The following PUDP variants were observed in gnomAD, a reference collection of about 807,000 sequenced individuals.
PUDP encodes the protein pseudouridine 5'-phosphatase.
In PUDP, 8 loss-of-function variants were observed where a neutral mutation model predicts 9.4. That is an observed-to-expected ratio of 0.85 (90% confidence interval 0.50 to 1.53). PUDP has a LOEUF of 1.53. Ranked by LOEUF, PUDP falls within the 40% of genes most tolerant of loss-of-function variation. The probability of loss-of-function intolerance (pLI) is 0.00; values close to 1 mark genes in which losing one functional copy is unlikely to be tolerated. For missense variants in PUDP, 188 were observed against 189.7 expected (o/e 0.99, Z 0.05); for synonymous variants, 99 against 80.7 (o/e 1.23, Z -1.22).
intron 3 of PUDP, among the ~76,000 whole-genome samples, chrX:6,917,584 C>T (rs1435916462): frequency 6.3e-5 from 7 of 111,756 alleles, no homozygotes; most frequent in African/African-American, 2.3e-4. Context: ...CATGATGAAA[C>T]AAGCTTTGTG....
intron 3 of PUDP, among the ~76,000 whole-genome samples, chrX:6,777,575 G>A (rs1457351728): frequency 2.7e-5 from 3 of 112,226 alleles, no homozygotes; most frequent in African/African-American, 6.5e-5. Context: ...TTCACCTTAG[G>A]CAGAATTTGT....
intron 3 of PUDP, among the ~76,000 whole-genome samples, chrX:6,931,125 G>A (rs1302744365): frequency 3.6e-5 from 4 of 111,224 alleles, no homozygotes; most frequent in African/African-American, 1.3e-4. Context: ...AAAGGTTCTG[G>A]TTCCATTCCT....
chrX:6,782,948 C>A (rs1023789142), intron 3 of PUDP, among the ~76,000 whole-genome samples: 5 of 111,379 alleles, frequency 4.5e-5, no homozygotes, highest in African/African-American at 1.6e-4. Flanking sequence ...GGCCTAAGGT[C>A]TTGCACATAT....
chrX:6,828,187 G>A lies in PUDP; in HGVS notation c.*248-121721C>T, dbSNP rs5989582. Among the ~76,000 whole-genome samples, 20 of 109,887 alleles carry A rather than the reference G, an allele frequency of 1.8e-4. 1 individual carries two copies. The highest frequency in any genetic ancestry group is 7.6e-5 in the Non-Finnish European group (4 of 52,652). ...TGTGATGAGTCCTTTTTGCAACACC[G>A]TTTCATAGCCAACACCCAGTTTACA... On this transcript the variant is annotated intron_variant and NMD_transcript_variant, in intron 3 of 3. Transcript: ENST00000655425.
At chrX:6,775,504 T>TATACACAC (rs777420687) in intron 3 of PUDP, among the ~76,000 whole-genome samples, 7 of 100,804 alleles carry the variant, frequency 6.9e-5, no homozygotes, top group Non-Finnish European at 1.3e-4. Context: ...TACACACACA[T>TATACACAC]ACACACACAC....
intron 3 of PUDP, among the ~76,000 whole-genome samples, chrX:6,756,849 TAAG>T (rs199506273): frequency 0.018 from 2,014 of 111,917 alleles, 43 homozygotes; most frequent in African/African-American, 0.06. Flanking sequence ...AGAGAACAAA[TAAG>T]ATCTTAACAG....
At chrX:6,949,621 G>A (rs779187632) in intron 3 of PUDP, among the ~76,000 whole-genome samples, 1 of 112,305 alleles carries the variant, frequency 8.9e-6, no homozygotes, top group East Asian at 2.8e-4. Context: ...TTCTTTTTCT[G>A]TTTATAAATA....
chrX:6,723,172 G>C (rs1924692970), upstream of PUDP, among the ~76,000 whole-genome samples: 1 of 109,092 alleles, frequency 9.2e-6, no homozygotes. Flanking sequence ...TAAATGAATA[G>C]ATGTACATAT....
intron 3 of PUDP, among the ~76,000 whole-genome samples, chrX:6,868,467 C>T (rs534678245): frequency 2.2e-3 from 252 of 112,005 alleles, no homozygotes; most frequent in African/African-American, 7.7e-3. Flanking sequence ...GCTGGTTCTC[C>T]TATAATCTCA....
intron 3 of PUDP, among the ~76,000 whole-genome samples, chrX:6,868,131 A>G (rs1305068626): frequency 2.7e-5 from 3 of 112,132 alleles, no homozygotes; most frequent in African/African-American, 9.7e-5. Context: ...TGTTGGTGGT[A>G]GAGGTGACAG....
chrX:6,848,811 G>C (rs775604321), intron 3 of PUDP, among the ~76,000 whole-genome samples: 1 of 111,985 alleles, frequency 8.9e-6, no homozygotes, highest in Non-Finnish European at 1.9e-5. Context: ...TGATATGCCA[G>C]CTTCCTGAGG....
At chrX:6,723,763 T>C (rs759512291), upstream of PUDP, among the ~76,000 whole-genome samples, 48 of 111,707 alleles carry the variant, frequency 4.3e-4, no homozygotes, top group Non-Finnish European at 7.0e-4. Flanking sequence ...TACTTGACAC[T>C]ACTTGAGGAC....
chrX:7,120,944 A>T (rs1321091547), intron 1 of PUDP, among the ~76,000 whole-genome samples: 3 of 112,051 alleles, frequency 2.7e-5, no homozygotes, highest in Non-Finnish European at 5.6e-5. Context: ...TTAATTTCAG[A>T]AGCAGACCAG....
intron 1 of PUDP, among the ~76,000 whole-genome samples, chrX:7,144,346 G>C (rs965047143): frequency 8.9e-6 from 1 of 112,187 alleles, no homozygotes; most frequent in Non-Finnish European, 1.9e-5. Context: ...CTAATATTAC[G>C]TAAGAAAAAT....
chrX:6,920,131 C>T (rs748438229), intron 3 of PUDP, among the ~76,000 whole-genome samples: 1 of 109,461 alleles, frequency 9.1e-6, no homozygotes, highest in Non-Finnish European at 1.9e-5. Context: ...GACTCCACCC[C>T]CTTGCTATCA....
At chrX:7,097,658 T>G (rs1486081596) in intron 2 of PUDP, among the ~76,000 whole-genome samples, 1 of 110,869 alleles carries the variant, frequency 9.0e-6, no homozygotes, top group African/African-American at 3.3e-5. Context: ...CTTTCTCCTG[T>G]GTCCCCCCGA....
intron 1 of PUDP, among the ~76,000 whole-genome samples, chrX:7,024,736 G>A (rs1298553897): frequency 1.2e-5 from 1 of 86,692 alleles, no homozygotes; most frequent in Non-Finnish European, 2.2e-5. Context: ...ACAGGCGCTC[G>A]CCACCTCGCC....
intron 3 of PUDP, among the ~76,000 whole-genome samples, chrX:6,813,416 C>T (rs1054594740): frequency 7.2e-5 from 8 of 111,136 alleles, no homozygotes; most frequent in African/African-American, 1.6e-4. Context: ...TTGGTTAATG[C>T]TTGGAAGAAA....
chrX:6,762,060 C>T (rs992726320), intron 3 of PUDP, among the ~76,000 whole-genome samples: 1 of 111,373 alleles, frequency 9.0e-6, no homozygotes, highest in African/African-American at 3.3e-5. Flanking sequence ...GGTGACGTGG[C>T]ATACGCCTGT....
Sources: allele counts gnomAD v4.1 joint callset (sites outside exome capture counted in the v4.1 genomes callset), GRCh38; gene constraint gnomAD v4.1.1; transcripts MANE v1.5; gene names NCBI Gene and HGNC (gene_info 2026-07-23, HGNC 2026-07-21).